MSRA: variants seen among roughly 807,000 people sequenced by gnomAD.
MSRA encodes the protein mitochondrial peptide methionine sulfoxide reductase.
In MSRA, 54 loss-of-function variants were observed where a neutral mutation model predicts 31.3. That is an observed-to-expected ratio of 1.73 (90% CI 1.39 to 2.17). The LOEUF (loss-of-function observed/expected upper bound fraction) is 2.17. MSRA is among the 30% of genes most tolerant of loss of function. The pLI, the probability that MSRA is intolerant of heterozygous loss-of-function variation, is 0.00. For missense variants in MSRA, 507 were observed against 300.9 expected, an observed-to-expected ratio of 1.69 and a Z score of -5.07; for synonymous variants, 169 against 116.5, an observed-to-expected ratio of 1.45 and a Z score of -2.90.
chr8:10,316,263 A>T (rs1280222771), intron 4 of MSRA, among the ~76,000 whole-genome samples: 1 of 151,998 alleles, frequency 6.6e-6, no homozygotes, highest in Non-Finnish European at 1.5e-5. Context: ...TATATTTACA[A>T]ATCGGAATAA....
chr8:10,084,340 G>A (rs747710168), intron 1 of MSRA, among the ~76,000 whole-genome samples: 4 of 152,248 alleles, frequency 2.6e-5, no homozygotes, highest in Non-Finnish European at 5.9e-5. Flanking sequence ...TCTGCTGCCT[G>A]CAGCTAACGA....
intron 2 of MSRA, among the ~76,000 whole-genome samples, chr8:10,230,542 C>T (rs1054231402): frequency 2.0e-5 from 3 of 152,060 alleles, no homozygotes; most frequent in Non-Finnish European, 4.4e-5. Context: ...TATGAAAATA[C>T]AAAAGAAAAC....
intron 5 of MSRA, chr8:10,337,476 G>C (rs1803126898): frequency 2.0e-6 from 1 of 507,406 alleles, no homozygotes; most frequent in Admixed American, 3.6e-5. Flanking sequence ...ACCACGCCCG[G>C]CCAAGCCTAT....
chr8:10,410,055 G>A (rs1026073740), intron 5 of MSRA, among the ~76,000 whole-genome samples: 2 of 152,174 alleles, frequency 1.3e-5, no homozygotes, highest in Non-Finnish European at 1.5e-5. Context: ...GCAAGACCTT[G>A]TCTATTATTT....
At chr8:10,098,737 A>G (rs1336970029) in intron 1 of MSRA, among the ~76,000 whole-genome samples, 2 of 152,188 alleles carry the variant, frequency 1.3e-5, no homozygotes, top group South Asian at 4.1e-4. Context: ...TGGTTGTTAC[A>G]TTTTATTGGC....
At chr8:10,317,009 G>C (rs944865044) in intron 4 of MSRA, among the ~76,000 whole-genome samples, 4 of 152,188 alleles carry the variant, frequency 2.6e-5, no homozygotes, top group Non-Finnish European at 5.9e-5. Context: ...TGGTGCAGCA[G>C]ACTGTAAGGC....
At chr8:10,392,773 G>A (rs187654605) in intron 5 of MSRA, among the ~76,000 whole-genome samples, 10 of 150,878 alleles carry the variant, frequency 6.6e-5, no homozygotes, top group Non-Finnish European at 1.2e-4. Flanking sequence ...TCAGCCAGGC[G>A]TGGTGGCTCA....
At chr8:10,342,082 A>G (rs1448782137) in intron 5 of MSRA, among the ~76,000 whole-genome samples, 2 of 152,170 alleles carry the variant, frequency 1.3e-5, no homozygotes, top group Non-Finnish European at 2.9e-5. Context: ...CTGGGTTCAA[A>G]GAGTTAAAAA....
rs551711844 is a variant in MSRA, at chr8:10,364,813, C to G, written c.543+44824C>G. ...CACAGTAGATATTACCACCCTCCGACTTTGTTTTGGGAAATCCCCGGATGT... is the reference window on the plus strand; with the variant it reads ...CACAGTAGATATTACCACCCTCCGAGTTTGTTTTGGGAAATCCCCGGATGT... On this transcript the variant is annotated intron_variant, in intron 5 of 5. Transcript: ENST00000317173. Among the ~76,000 whole-genome samples, 23 of 152,308 alleles carry G rather than the reference C, an allele frequency of 1.5e-4. No individual in the cohort carries two copies. In the South Asian group the frequency reaches 4.6e-3, roughly 30 times the overall value.
At chr8:10,278,620 C>G (rs1451996504) in intron 3 of MSRA, among the ~76,000 whole-genome samples, 1 of 152,188 alleles carries the variant, frequency 6.6e-6, no homozygotes, top group Non-Finnish European at 1.5e-5. Context: ...TGCTCACATT[C>G]TTGGGAGACC....
At chr8:10,176,921 A>T (rs1806103720) in intron 1 of MSRA, among the ~76,000 whole-genome samples, 1 of 152,212 alleles carries the variant, frequency 6.6e-6, no homozygotes, top group Non-Finnish European at 1.5e-5. Flanking sequence ...TAAATAATTT[A>T]GCTTCCTCTT....
At chr8:10,175,740 G>A (rs1270318668) in intron 1 of MSRA, among the ~76,000 whole-genome samples, 1 of 152,186 alleles carries the variant, frequency 6.6e-6, no homozygotes, top group Admixed American at 6.5e-5. Flanking sequence ...TTGTACATAG[G>A]TAATCATTGT....
chr8:10,307,133 G>C (rs1388261831), intron 4 of MSRA, among the ~76,000 whole-genome samples: 7 of 150,996 alleles, frequency 4.6e-5, no homozygotes, highest in Non-Finnish European at 8.8e-5. Context: ...AGGAATCCAA[G>C]CTTCCTGACT....
chr8:10,117,297 A>AT (rs1800756467), intron 1 of MSRA, among the ~76,000 whole-genome samples: 4 of 152,306 alleles, frequency 2.6e-5, no homozygotes, highest in African/African-American at 7.2e-5. Context: ...AGCACTGGGC[A>AT]TTTAGGGAAA....
chr8:10,401,899 G>C (rs781645303), intron 5 of MSRA, among the ~76,000 whole-genome samples: 1 of 152,192 alleles, frequency 6.6e-6, no homozygotes, highest in South Asian at 2.1e-4. Context: ...CCCAGGGGCT[G>C]AGGAAAGGGG....
At chr8:10,417,215 C>T (rs193140687) in intron 5 of MSRA, among the ~76,000 whole-genome samples, 18 of 152,264 alleles carry the variant, frequency 1.2e-4, no homozygotes, top group Non-Finnish European at 1.8e-4. Flanking sequence ...CAGTGAGCTC[C>T]GATGGGGGCT....
At chr8:10,103,783 G>A (rs183022939) in intron 1 of MSRA, among the ~76,000 whole-genome samples, 2 of 151,448 alleles carry the variant, frequency 1.3e-5, no homozygotes, top group East Asian at 3.9e-4. Flanking sequence ...AAATAAAGTA[G>A]AATGAATACC....
At chr8:10,250,059 G>T (rs541116257) in intron 3 of MSRA, among the ~76,000 whole-genome samples, 7 of 152,116 alleles carry the variant, frequency 4.6e-5, no homozygotes, top group African/African-American at 1.4e-4. Context: ...ATGAAAGCTT[G>T]ATCTTTCACA....
At chr8:10,055,085 C>T (rs1802263910) in intron 1 of MSRA, among the ~76,000 whole-genome samples, 1 of 152,152 alleles carries the variant, frequency 6.6e-6, no homozygotes, top group Non-Finnish European at 1.5e-5. Context: ...GGGGCTGGTG[C>T]GAGTGTTGTC....
Sources: allele counts gnomAD v4.1 joint callset (sites outside exome capture counted in the v4.1 genomes callset), GRCh38; gene constraint gnomAD v4.1.1; transcripts MANE v1.5; gene names NCBI Gene and HGNC (gene_info 2026-07-23, HGNC 2026-07-21).